DAPK1: variants seen among roughly 807,000 people sequenced by gnomAD.
DAPK1 encodes death associated protein kinase 1, also known as death-associated protein kinase 1.
Under a neutral mutation model 144.9 loss-of-function variants are expected in DAPK1, and 56 were observed. The ratio of observed to expected loss-of-function variants is 0.39; its 90% confidence interval spans 0.31 to 0.48. The LOEUF is 0.48. DAPK1 is among the 20% of genes least tolerant of loss of function. The pLI is 0.95. For missense variants in DAPK1, 1,454 were observed against 1,875.4 expected (o/e 0.78, Z 4.15); for synonymous variants, 690 against 749.0 (o/e 0.92, Z 1.29).
At chr9:87,523,065 C>G (rs1203290534) in intron 2 of DAPK1, among the ~76,000 whole-genome samples, 2 of 151,670 alleles carry the variant, frequency 1.3e-5, no homozygotes, top group East Asian at 3.9e-4. Flanking sequence ...CTTTTCTCCC[C>G]ATGATTTTTT....
At chr9:87,576,527 T>C (rs1827567987) in intron 2 of DAPK1, among the ~76,000 whole-genome samples, 1 of 152,106 alleles carries the variant, frequency 6.6e-6, no homozygotes, top group Non-Finnish European at 1.5e-5. Flanking sequence ...CTGTTACTGA[T>C]AAATTACTGT....
At chr9:87,546,001 G>A (rs1826237363) in intron 2 of DAPK1, among the ~76,000 whole-genome samples, 1 of 152,096 alleles carries the variant, frequency 6.6e-6, no homozygotes, top group African/African-American at 2.4e-5. Flanking sequence ...TGTTTTTGCA[G>A]TACAGATTCT....
intron 19 of DAPK1, among the ~76,000 whole-genome samples, chr9:87,671,129 T>A (rs1831236285): frequency 6.6e-6 from 1 of 152,170 alleles, no homozygotes; most frequent in Non-Finnish European, 1.5e-5. Flanking sequence ...TGCAGCCTGC[T>A]TAGATGACTG....
At chr9:87,527,885 C>A (rs1434703135) in intron 2 of DAPK1, among the ~76,000 whole-genome samples, 1 of 152,216 alleles carries the variant, frequency 6.6e-6, no homozygotes, top group Admixed American at 6.5e-5. Flanking sequence ...ATGGCTGAGA[C>A]CTTGTCTGCG....
At position 87,658,134 on chromosome 9, in the gene DAPK1, G is replaced by A. The variant is rs1564053451; in HGVS notation, c.1923+7G>A. 1 of 1,176,126 alleles carries A rather than the reference G, an allele frequency of 8.5e-7. No individual in the cohort carries two copies. 72.9% of individuals were successfully genotyped at this position (1,176,126 alleles called of 1,614,324 possible). A position where few individuals can be genotyped will look rare whatever the true frequency, so the allele number is the denominator to read the frequency against. ...CGTTGAGGCGCTGACCACGGTGAGT[G>A]CCCACAGGGCTTCGTGAAGGAGGGA... On this transcript the variant is annotated splice_region_variant and intron_variant, in intron 18 of 25. Coordinates refer to ENST00000408954, the MANE Select transcript of DAPK1 (RefSeq NM_004938.4).
chr9:87,651,786 C>A (rs1830452143), intron 17 of DAPK1, 62 bp downstream of exon 17: 4 of 1,456,552 alleles, frequency 2.7e-6, no homozygotes, highest in Non-Finnish European at 3.8e-6. Context: ...GATTCTGGGT[C>A]CTGATTCTGT....
At chr9:87,566,231 C>T (rs1827119918) in intron 2 of DAPK1, among the ~76,000 whole-genome samples, 1 of 152,000 alleles carries the variant, frequency 6.6e-6, no homozygotes, top group Non-Finnish European at 1.5e-5. Flanking sequence ...CCATGTTAGC[C>T]AGGATAATCT....
At chr9:87,589,636 C>A (rs1189933844) in intron 2 of DAPK1, among the ~76,000 whole-genome samples, 1 of 152,044 alleles carries the variant, frequency 6.6e-6, no homozygotes, top group Non-Finnish European at 1.5e-5. Context: ...AACCCAAATA[C>A]AGAAATTCCT....
At chr9:87,704,109 G>A (rs77462630) in intron 25 of DAPK1, among the ~76,000 whole-genome samples, 1,838 of 152,226 alleles carry the variant, frequency 0.012, 42 homozygotes, top group African/African-American at 0.042. Flanking sequence ...AACTGGAGTC[G>A]CCGGGCAGTA....
chr9:87,526,713 G>C (rs754867933), intron 2 of DAPK1, among the ~76,000 whole-genome samples: 1 of 152,136 alleles, frequency 6.6e-6, no homozygotes, highest in African/African-American at 2.4e-5. Flanking sequence ...CTGTATAATT[G>C]TGTACTGAGT....
At chr9:87,640,037 G>A (rs1203560163) in intron 7 of DAPK1, among the ~76,000 whole-genome samples, 1 of 152,170 alleles carries the variant, frequency 6.6e-6, no homozygotes, top group Non-Finnish European at 1.5e-5. Flanking sequence ...CTGAAAGAAA[G>A]CATAGCTGTC....
intron 2 of DAPK1, among the ~76,000 whole-genome samples, chr9:87,500,594 G>A (rs1006478553): frequency 3.9e-5 from 6 of 152,150 alleles, no homozygotes; most frequent in African/African-American, 1.4e-4. Flanking sequence ...ATTATATTAT[G>A]GATTAAGTAT....
At chr9:87,703,296 G>A (rs1825522126) in intron 25 of DAPK1, 79 bp downstream of exon 25, 2 of 783,104 alleles carry the variant, frequency 2.6e-6, no homozygotes, top group Non-Finnish European at 4.3e-6. Context: ...GCTCTTGGAA[G>A]TGGTGTGAGC....
At chr9:87,699,563 G>A (rs567071146) in intron 23 of DAPK1, among the ~76,000 whole-genome samples, 2 of 147,554 alleles carry the variant, frequency 1.4e-5, no homozygotes, top group Non-Finnish European at 3.0e-5. Context: ...TAAAATATAT[G>A]TTTTTACTCA....
intron 2 of DAPK1, chr9:87,525,306 G>T: frequency 6.2e-7 from 1 of 1,607,974 alleles, no homozygotes; most frequent in South Asian, 1.1e-5. Flanking sequence ...AGCAAGATGG[G>T]TCACCAGCAG....
At chr9:87,603,164 T>G (rs2118950168) in intron 2 of DAPK1, among the ~76,000 whole-genome samples, 1 of 152,204 alleles carries the variant, frequency 6.6e-6, no homozygotes, top group Non-Finnish European at 1.5e-5. Context: ...ATAACATCTT[T>G]GTAAGGAGGG....
chr9:87,619,576 T>C (rs1171730053), intron 3 of DAPK1, among the ~76,000 whole-genome samples: 4 of 152,164 alleles, frequency 2.6e-5, no homozygotes, highest in Non-Finnish European at 5.9e-5. Context: ...TGCCATACTC[T>C]AAGTAGTCCT....
At chr9:87,579,327 A>C (rs12683054) in intron 2 of DAPK1, among the ~76,000 whole-genome samples, 17,375 of 152,218 alleles carry the variant, frequency 0.11, 1,275 homozygotes, top group Admixed American at 0.16. Flanking sequence ...CTTTCCTTTC[A>C]AACTGAGTGT....
chr9:87,560,725 G>A (rs577339315), intron 2 of DAPK1, among the ~76,000 whole-genome samples: 1 of 150,044 alleles, frequency 6.7e-6, no homozygotes, highest in South Asian at 2.1e-4. Context: ...GAGTGCAGTG[G>A]CATGATCTCC....
Sources: allele counts gnomAD v4.1 joint callset (sites outside exome capture counted in the v4.1 genomes callset), GRCh38; gene constraint gnomAD v4.1.1; transcripts MANE v1.5; gene names NCBI Gene and HGNC (gene_info 2026-07-23, HGNC 2026-07-21).